FYN: variants seen among roughly 807,000 people sequenced by gnomAD.
The protein encoded by FYN is FYN proto-oncogene, Src family tyrosine kinase.
A neutral mutation model predicts 70.2 loss-of-function variants in FYN; 10 were observed. The observed-to-expected ratio is 0.14, with a 90% confidence interval of 0.09 to 0.24. The LOEUF is 0.24. Ranked by LOEUF, FYN falls within the 10% of genes least tolerant of loss-of-function variation. The pLI is 1.00. For synonymous variants in FYN, 236 were observed against 248.6 expected (o/e 0.95, Z 0.48); for missense variants, 319 against 673.1 (o/e 0.47, Z 5.82).
intron 3 of FYN, among the ~76,000 whole-genome samples, chr6:111,776,939 T>C (rs1227813696): frequency 6.6e-6 from 1 of 152,150 alleles, no homozygotes; most frequent in Admixed American, 6.5e-5. Flanking sequence ...AAATACTCAA[T>C]CTCAATCATC....
chr6:111,820,559 G>C (rs1772627078), intron 2 of FYN, among the ~76,000 whole-genome samples: 1 of 152,062 alleles, frequency 6.6e-6, no homozygotes, highest in Admixed American at 6.5e-5. Flanking sequence ...ATTTACGTTT[G>C]AATTTAAATT....
At chr6:111,824,589 T>C (rs993517492) in intron 2 of FYN, among the ~76,000 whole-genome samples, 4 of 152,232 alleles carry the variant, frequency 2.6e-5, no homozygotes, top group Non-Finnish European at 1.5e-5. Context: ...AGGTCACATA[T>C]AGTTCTCCTC....
chr6:111,735,818 G>A (rs1801684587), intron 3 of FYN, among the ~76,000 whole-genome samples: 1 of 152,176 alleles, frequency 6.6e-6, no homozygotes, highest in East Asian at 1.9e-4. Context: ...ATCCCCAACT[G>A]TGGCAAAGCC....
intron 12 of FYN, among the ~76,000 whole-genome samples, chr6:111,674,912 T>C (rs1323646455): frequency 3.9e-5 from 6 of 152,094 alleles, no homozygotes; most frequent in Non-Finnish European, 7.4e-5. Context: ...ATATTTAACT[T>C]TGAAATAATG....
At position 111,843,167 on chromosome 6, in the gene FYN, G is replaced by A. The variant is rs368008538; in HGVS notation, c.-82+3422C>T. On this transcript the variant is annotated intron_variant, in intron 2 of 13. Coordinates refer to ENST00000354650, the MANE Select transcript of FYN (RefSeq NM_002037.5). ...AATGGCAGGGGCCTCTCTCATGGCA[G>A]GCACTGAAATACCTTTAATCACACC... Among the ~76,000 whole-genome samples the A allele has an allele frequency of 1.1e-4, 16 of 152,298 alleles. No homozygotes were observed. In the East Asian group the frequency reaches 2.9e-3, roughly 28 times the overall value.
At chr6:111,774,456 C>T (rs549332230) in intron 3 of FYN, among the ~76,000 whole-genome samples, 8 of 152,250 alleles carry the variant, frequency 5.3e-5, no homozygotes, top group Admixed American at 5.2e-4. Flanking sequence ...CTTCACTGGG[C>T]AGGACTGTTC....
intron 12 of FYN, among the ~76,000 whole-genome samples, chr6:111,693,113 G>A (rs1293690124): frequency 2.0e-5 from 3 of 152,188 alleles, no homozygotes; most frequent in Non-Finnish European, 4.4e-5. Flanking sequence ...CAGGGTCTTA[G>A]TTTAACATTT....
intron 3 of FYN, among the ~76,000 whole-genome samples, chr6:111,766,697 A>T (rs1803240585): frequency 6.6e-6 from 1 of 152,160 alleles, no homozygotes; most frequent in Non-Finnish European, 1.5e-5. Flanking sequence ...TTGCCAAGCA[A>T]AGAGGGAAAA....
At chr6:111,701,635 G>A (rs919548035) in intron 8 of FYN, among the ~76,000 whole-genome samples, 1 of 151,878 alleles carries the variant, frequency 6.6e-6, no homozygotes, top group African/African-American at 2.4e-5. Flanking sequence ...TGTTATTAAG[G>A]TGCCCTTTCG....
chr6:111,804,332 C>G (rs977402618), intron 2 of FYN, among the ~76,000 whole-genome samples: 1 of 152,144 alleles, frequency 6.6e-6, no homozygotes, highest in Non-Finnish European at 1.5e-5. Flanking sequence ...GCTTTAGAAG[C>G]GGCACCCTCT....
At chr6:111,745,112 A>G (rs765258872) in intron 3 of FYN, among the ~76,000 whole-genome samples, 17 of 152,170 alleles carry the variant, frequency 1.1e-4, no homozygotes, top group Non-Finnish European at 1.6e-4. Context: ...TGTTGAATGA[A>G]TGAGTGAGTG....
intron 3 of FYN, among the ~76,000 whole-genome samples, chr6:111,764,481 T>C (rs1803147789): frequency 6.6e-6 from 1 of 152,108 alleles, no homozygotes; most frequent in Non-Finnish European, 1.5e-5. Context: ...GGCAGAAAAG[T>C]GTGAAACCAC....
intron 13 of FYN, among the ~76,000 whole-genome samples, chr6:111,673,242 G>A (rs1164781544): frequency 6.6e-6 from 1 of 152,094 alleles, no homozygotes; most frequent in Non-Finnish European, 1.5e-5. Context: ...TTCTGTGCTG[G>A]TTGGCGATTC....
intron 2 of FYN, among the ~76,000 whole-genome samples, chr6:111,795,106 G>A (rs1771762128): frequency 6.6e-6 from 1 of 152,118 alleles, no homozygotes; most frequent in African/African-American, 2.4e-5. Context: ...AAATATCAAG[G>A]GAACTGTTAT....
At chr6:111,859,580 C>A (rs900922927) in intron 1 of FYN, among the ~76,000 whole-genome samples, 2 of 152,204 alleles carry the variant, frequency 1.3e-5, no homozygotes, top group Non-Finnish European at 1.5e-5. Context: ...TTCTTACATG[C>A]AAATTTCACT....
intron 3 of FYN, among the ~76,000 whole-genome samples, chr6:111,768,234 C>T (rs1038748977): frequency 2.6e-5 from 4 of 152,160 alleles, no homozygotes; most frequent in South Asian, 2.1e-4. Context: ...CAAACTCCTT[C>T]GAGGTATATG....
chr6:111,778,032 G>A (rs1400659362), intron 3 of FYN, among the ~76,000 whole-genome samples: 1 of 152,206 alleles, frequency 6.6e-6, no homozygotes, highest in Non-Finnish European at 1.5e-5. Context: ...GAAGGAAGAG[G>A]ATTGGGTGTC....
intron 12 of FYN, among the ~76,000 whole-genome samples, chr6:111,690,255 G>A (rs547835382): frequency 6.6e-6 from 1 of 152,274 alleles, no homozygotes; most frequent in South Asian, 2.1e-4. Flanking sequence ...ATTCTGGGAA[G>A]AAGGTGCAGT....
At chr6:111,733,985 G>A (rs1333845070) in intron 3 of FYN, among the ~76,000 whole-genome samples, 1 of 152,146 alleles carries the variant, frequency 6.6e-6, no homozygotes, top group Admixed American at 6.5e-5. Context: ...TACTTGGGGG[G>A]CTGGGGCGGG....
Sources: gnomAD v4.1 joint callset for allele counts (sites outside exome capture counted in the v4.1 genomes callset) on GRCh38, gnomAD v4.1.1 for gene constraint, MANE v1.5 for transcripts, NCBI Gene and HGNC (gene_info 2026-07-23, HGNC 2026-07-21) for gene names.